Variants in ZPBP observed in about 807,000 individuals in gnomAD.
ZPBP encodes zona pellucida binding protein.
Under a neutral mutation model 44.8 loss-of-function variants are expected in ZPBP, and 26 were observed. That is an observed-to-expected ratio of 0.58 (90% CI 0.43 to 0.81). ZPBP has a LOEUF of 0.81. ZPBP is among the 30% of genes least tolerant of loss of function. The pLI is 0.00. For synonymous variants in ZPBP, 174 were observed against 153.2 expected (o/e 1.14, Z -1.00); for missense variants, 409 against 434.0 (o/e 0.94, Z 0.51).
At chr7:49,885,998 G>A (rs1033348984) in intron 2 of ZPBP, among the ~76,000 whole-genome samples, 1 of 152,228 alleles carries the variant, frequency 6.6e-6, no homozygotes, top group Admixed American at 6.5e-5. Context: ...TTGACGTGAT[G>A]CATTTTGAAA....
At chr7:49,972,065 A>C (rs1796322228) in intron 7 of ZPBP, among the ~76,000 whole-genome samples, 1 of 152,006 alleles carries the variant, frequency 6.6e-6, no homozygotes, top group African/African-American at 2.4e-5. Context: ...AAAAATATTC[A>C]ACAAAGTATG....
intron 6 of ZPBP, among the ~76,000 whole-genome samples, chr7:50,014,099 T>C (rs765227926): frequency 8.5e-5 from 13 of 152,102 alleles, no homozygotes; most frequent in Admixed American, 2.0e-4. Context: ...CAAATAATCA[T>C]ATATATTAAT....
At chr7:49,884,712 G>T (rs189144013) in intron 2 of ZPBP, among the ~76,000 whole-genome samples, 1 of 152,222 alleles carries the variant, frequency 6.6e-6, no homozygotes, top group African/African-American at 2.4e-5. Context: ...GAGATTTACA[G>T]CCCAAACTCA....
chr7:49,984,650 G>C (rs765973743), intron 6 of ZPBP, among the ~76,000 whole-genome samples: 1 of 152,114 alleles, frequency 6.6e-6, no homozygotes, highest in Non-Finnish European at 1.5e-5. Flanking sequence ...CAGGAAGCGG[G>C]GCTCAGGCAG....
intron 7 of ZPBP, among the ~76,000 whole-genome samples, chr7:49,974,038 A>G (rs763284424): frequency 2.0e-5 from 3 of 152,194 alleles, no homozygotes; most frequent in African/African-American, 4.8e-5. Flanking sequence ...TAAGCCAGAC[A>G]CAAAAAGACA....
chr7:49,898,145 G>GTA (rs1792487484), intron 2 of ZPBP, among the ~76,000 whole-genome samples: 1 of 151,842 alleles, frequency 6.6e-6, no homozygotes, highest in Non-Finnish European at 1.5e-5. Context: ...ATGTGTGTGT[G>GTA]TATATATATG....
At chr7:49,990,809 G>T (rs1797537595) in intron 6 of ZPBP, among the ~76,000 whole-genome samples, 2 of 152,270 alleles carry the variant, frequency 1.3e-5, no homozygotes, top group African/African-American at 4.8e-5. Context: ...GACTGGAACA[G>T]CTTTAATATA....
chr7:50,077,951 G>C (rs748370250), intron 3 of ZPBP, among the ~76,000 whole-genome samples: 3 of 151,700 alleles, frequency 2.0e-5, no homozygotes, highest in African/African-American at 7.2e-5. Flanking sequence ...CCTGTGTGTT[G>C]CAGCACTGCT....
In ZPBP at chr7:49,863,835, G is replaced by C. The variant is rs530061251; in HGVS notation, n.510-13321C>G. 2.6e-5 allele frequency among the ~76,000 whole-genome samples: 4 copies of C among 152,054 alleles called. No homozygotes were observed. In the East Asian group the frequency reaches 7.7e-4, roughly 29 times the overall value. On this transcript the variant is annotated intron_variant and non_coding_transcript_variant, in intron 2 of 2. Coordinates refer to the ZPBP transcript ENST00000465922. ...GCTCTCTTTTTACTCATTCTTTTAG[G>C]TGTAAAGTTAGATTATCGATTTGAG...
chr7:49,875,049 G>GA (rs1006316402), intron 2 of ZPBP, among the ~76,000 whole-genome samples: 46 of 147,018 alleles, frequency 3.1e-4, no homozygotes, highest in East Asian at 1.4e-3. Context: ...TTGTTTCTGT[G>GA]AAAAAAAAAA....
chr7:50,018,493 T>A (rs57958763), intron 5 of ZPBP, among the ~76,000 whole-genome samples, 177 bp from the exon 6 acceptor site: 3,305 of 152,126 alleles, frequency 0.022, 138 homozygotes, highest in African/African-American at 0.075. Flanking sequence ...TTGCTTTCTA[T>A]AAATCAAGAC....
chr7:50,046,940 G>A (rs1450388895), intron 4 of ZPBP, among the ~76,000 whole-genome samples: 4 of 151,938 alleles, frequency 2.6e-5, no homozygotes, highest in East Asian at 1.9e-4. Context: ...TGTGGCATAC[G>A]CACACCATGG....
intron 2 of ZPBP, among the ~76,000 whole-genome samples, chr7:49,895,776 G>A (rs1792359095): frequency 6.6e-6 from 1 of 151,844 alleles, no homozygotes; most frequent in South Asian, 2.1e-4. Flanking sequence ...AAATTAAGTA[G>A]CATATAAATA....
intron 1 of ZPBP, among the ~76,000 whole-genome samples, chr7:49,905,500 TA>T (rs1459740797): frequency 6.6e-6 from 1 of 152,242 alleles, no homozygotes; most frequent in Non-Finnish European, 1.5e-5. Flanking sequence ...ATTTCATTGG[TA>T]ATATATTTTA....
At chr7:49,974,050 A>G (rs960151850) in intron 7 of ZPBP, among the ~76,000 whole-genome samples, 1 of 152,218 alleles carries the variant, frequency 6.6e-6, no homozygotes, top group South Asian at 2.1e-4. Context: ...AAAAAGACAG[A>G]TACTGTATGA....
intron 2 of ZPBP, among the ~76,000 whole-genome samples, chr7:49,865,434 G>C (rs1050262166): frequency 6.7e-4 from 102 of 152,310 alleles, no homozygotes; most frequent in African/African-American, 2.4e-3. Context: ...ACCGCAAAAC[G>C]TAGTGGCTTC....
At chr7:49,859,468 G>T (rs1279202798) in intron 2 of ZPBP, among the ~76,000 whole-genome samples, 1 of 152,110 alleles carries the variant, frequency 6.6e-6, no homozygotes, top group African/African-American at 2.4e-5. Flanking sequence ...TGTGTGTTGT[G>T]AGGTGGGAAA....
chr7:49,890,974 A>C (rs942387136), intron 2 of ZPBP, among the ~76,000 whole-genome samples: 2 of 152,214 alleles, frequency 1.3e-5, no homozygotes, highest in African/African-American at 4.8e-5. Context: ...GAACAAAAAA[A>C]GATGGGCTAA....
intron 7 of ZPBP, among the ~76,000 whole-genome samples, chr7:49,958,479 T>C (rs781489010): frequency 9.2e-5 from 14 of 152,202 alleles, no homozygotes; most frequent in Non-Finnish European, 1.8e-4. Context: ...CCTTCATGAA[T>C]GGATTAATGC....
Sources: gnomAD v4.1 joint callset for allele counts (sites outside exome capture counted in the v4.1 genomes callset) on GRCh38, gnomAD v4.1.1 for gene constraint, MANE v1.5 for transcripts, NCBI Gene and HGNC (gene_info 2026-07-23, HGNC 2026-07-21) for gene names.